The following NKAIN3 variants were observed in gnomAD, a reference collection of about 807,000 sequenced individuals.
The protein encoded by NKAIN3 is sodium/potassium-transporting ATPase subunit beta-1-interacting protein 3.
NKAIN3 carries 25 observed loss-of-function variants against 30.2 expected under a neutral mutation model. That is an observed-to-expected ratio of 0.83 (90% confidence interval 0.60 to 1.16). NKAIN3 has a LOEUF of 1.16. Among genes scored for constraint, NKAIN3 ranks in the 50% most tolerant of loss-of-function variants. The pLI is 0.00. For missense variants in NKAIN3, 225 were observed against 254.1 expected (o/e 0.89, Z 0.78); for synonymous variants, 91 against 89.6 (o/e 1.02, Z -0.09).
At chr8:62,512,190 A>C (rs950446434) in intron 1 of NKAIN3, among the ~76,000 whole-genome samples, 1 of 152,160 alleles carries the variant, frequency 6.6e-6, no homozygotes, top group African/African-American at 2.4e-5. Context: ...GAAGATTGCT[A>C]AAATTATTGA....
intron 4 of NKAIN3, among the ~76,000 whole-genome samples, chr8:62,808,610 A>G (rs1346597006): frequency 6.6e-6 from 1 of 152,154 alleles, no homozygotes; most frequent in Admixed American, 6.6e-5. Flanking sequence ...AGCAGGTTCC[A>G]TGATGCCCCC....
intron 1 of NKAIN3, among the ~76,000 whole-genome samples, chr8:62,293,918 A>C (rs535720795): frequency 6.6e-6 from 1 of 152,066 alleles, no homozygotes; most frequent in African/African-American, 2.4e-5. Flanking sequence ...TTGTTTACTT[A>C]CTCAAGCCTC....
At chr8:62,808,480 A>C (rs1360349596) in intron 4 of NKAIN3, among the ~76,000 whole-genome samples, 21 of 152,170 alleles carry the variant, frequency 1.4e-4, no homozygotes, top group Non-Finnish European at 2.2e-4. Context: ...CCAGCCCCTG[A>C]TATTTCAACG....
intron 4 of NKAIN3, among the ~76,000 whole-genome samples, chr8:62,792,654 A>G (rs1817741483): frequency 7.2e-6 from 1 of 138,446 alleles, no homozygotes; most frequent in Admixed American, 7.4e-5. Flanking sequence ...TTAGAGGACC[A>G]AGGTATCAAG....
intron 1 of NKAIN3, among the ~76,000 whole-genome samples, chr8:62,379,894 C>A (rs149237965): frequency 3.3e-5 from 5 of 152,140 alleles, no homozygotes; most frequent in African/African-American, 9.7e-5. Context: ...AGGCATTCTT[C>A]ACATTTTCAT....
At chr8:62,864,574 C>T (rs1820362487) in intron 4 of NKAIN3, among the ~76,000 whole-genome samples, 1 of 152,180 alleles carries the variant, frequency 6.6e-6, no homozygotes, top group South Asian at 2.1e-4. Flanking sequence ...AAATGTATGG[C>T]ATAAAATTCC....
At chr8:62,459,848 A>C (rs1255335999) in intron 1 of NKAIN3, among the ~76,000 whole-genome samples, 1 of 152,150 alleles carries the variant, frequency 6.6e-6, no homozygotes, top group Non-Finnish European at 1.5e-5. Context: ...CCAGAGAGGG[A>C]GGTGAAGAAA....
At chr8:62,956,017 GCA>G (rs1823408666) in intron 6 of NKAIN3, among the ~76,000 whole-genome samples, 1 of 152,170 alleles carries the variant, frequency 6.6e-6, no homozygotes, top group Non-Finnish European at 1.5e-5. Context: ...CATGAAGGAA[GCA>G]AAAATCTAAA....
intron 3 of NKAIN3, among the ~76,000 whole-genome samples, chr8:62,646,771 T>C (rs1812472644): frequency 6.6e-6 from 1 of 152,044 alleles, no homozygotes; most frequent in Non-Finnish European, 1.5e-5. Flanking sequence ...GCATATAACA[T>C]GTAAAGTAAC....
rs139702680 is a variant in NKAIN3, at chr8:62,691,450, A to G, written c.274-55482A>G. ...CCATCTGGGTGGACTTGCCTGAGTT[A>G]AAGGAAATGGAGGATTCTTGAATAT... On this transcript the variant is annotated intron_variant, in intron 3 of 6. Transcript: ENST00000623646. Among the ~76,000 whole-genome samples, 470 of 152,304 alleles carry G rather than the reference A, an allele frequency of 3.1e-3. 9 individuals carry two copies. The highest frequency in any genetic ancestry group is 1.9e-3 in the South Asian group (9 of 4,826).
chr8:62,485,341 T>C (rs1342775671), intron 1 of NKAIN3, among the ~76,000 whole-genome samples: 2 of 152,194 alleles, frequency 1.3e-5, no homozygotes, highest in Admixed American at 6.5e-5. Flanking sequence ...AAGATAGATG[T>C]GTTTGATTAT....
intron 5 of NKAIN3, chr8:62,990,364 T>C (rs966503008): frequency 3.7e-5 from 48 of 1,288,068 alleles, no homozygotes; most frequent in Non-Finnish European, 4.7e-5. Flanking sequence ...ATCTTTCTAG[T>C]GCAGTCTAAT....
chr8:62,257,011 T>A (rs1010761056), intron 1 of NKAIN3, among the ~76,000 whole-genome samples: 2 of 152,222 alleles, frequency 1.3e-5, no homozygotes, highest in African/African-American at 4.8e-5. Context: ...ATGAGGTAAT[T>A]TGATGTTTTG....
intron 4 of NKAIN3, among the ~76,000 whole-genome samples, chr8:62,908,423 G>A (rs958994235): frequency 1.3e-5 from 2 of 152,166 alleles, no homozygotes; most frequent in Non-Finnish European, 2.9e-5. Flanking sequence ...ATTTTGAAAT[G>A]TGAGGACATG....
At chr8:62,881,537 A>G (rs1047537710) in intron 4 of NKAIN3, among the ~76,000 whole-genome samples, 4 of 152,214 alleles carry the variant, frequency 2.6e-5, no homozygotes, top group Admixed American at 6.5e-5. Flanking sequence ...ACATCGCTCA[A>G]TAGGATAGAA....
At chr8:62,803,509 T>C (rs1423601694) in intron 4 of NKAIN3, among the ~76,000 whole-genome samples, 2 of 152,128 alleles carry the variant, frequency 1.3e-5, no homozygotes, top group East Asian at 3.9e-4. Context: ...TGCTCCTGAA[T>C]GACTACTGGG....
intron 3 of NKAIN3, among the ~76,000 whole-genome samples, chr8:62,690,932 C>T (rs1813947116): frequency 6.6e-6 from 1 of 152,158 alleles, no homozygotes; most frequent in African/African-American, 2.4e-5. Flanking sequence ...ATTATGTGCC[C>T]TGATACTTTA....
At chr8:62,888,540 T>G (rs6986007) in intron 4 of NKAIN3, among the ~76,000 whole-genome samples, 2,449 of 152,314 alleles carry the variant, frequency 0.016, 75 homozygotes, top group African/African-American at 0.056. Context: ...TCTCCAATTT[T>G]GGGAGCAGTG....
chr8:62,919,838 G>A (rs534681234), intron 5 of NKAIN3, among the ~76,000 whole-genome samples: 1 of 151,806 alleles, frequency 6.6e-6, no homozygotes, highest in African/African-American at 2.4e-5. Flanking sequence ...CTCAGACCCT[G>A]AGATTAAAAG....
Sources: gnomAD v4.1 joint callset for allele counts (sites outside exome capture counted in the v4.1 genomes callset) on GRCh38, gnomAD v4.1.1 for gene constraint, MANE v1.5 for transcripts, NCBI Gene and HGNC (gene_info 2026-07-23, HGNC 2026-07-21) for gene names.